Variants in ZNF423 observed in about 807,000 individuals in gnomAD.
The protein encoded by ZNF423 is Ebf-associated zinc finger protein.
ZNF423 carries 12 observed loss-of-function variants against 95.8 expected under a neutral mutation model. The observed-to-expected ratio is 0.13, with a 90% CI of 0.08 to 0.20. ZNF423 has a LOEUF of 0.20. Among genes scored for constraint, ZNF423 ranks in the 10% least tolerant of loss-of-function variants. The pLI is 1.00. For synonymous variants in ZNF423, 749 were observed against 711.9 expected (o/e 1.05, Z -0.83); for missense variants, 1,316 against 1,737.1 (o/e 0.76, Z 4.31).
At chr16:49,848,025 G>T (rs1044523560) in intron 1 of ZNF423, among the ~76,000 whole-genome samples, 6 of 152,030 alleles carry the variant, frequency 3.9e-5, no homozygotes, top group Non-Finnish European at 5.9e-5. Flanking sequence ...GACTGCTTGA[G>T]CCCAGGAGTT....
At chr16:49,673,898 C>T (rs2030929336) in intron 3 of ZNF423, among the ~76,000 whole-genome samples, 1 of 152,150 alleles carries the variant, frequency 6.6e-6, no homozygotes, top group African/African-American at 2.4e-5. Flanking sequence ...CATGGTGGGA[C>T]CTTAAAAGGG....
intron 5 of ZNF423, among the ~76,000 whole-genome samples, chr16:49,558,951 G>T (rs1969930493): frequency 6.6e-6 from 1 of 152,196 alleles, no homozygotes; most frequent in African/African-American, 2.4e-5. Context: ...CAGTAAGGGG[G>T]TCTCAGAGGC....
rs187968998 is a variant in ZNF423, at chr16:49,835,030, G to C, written c.40+20705C>G. On this transcript the variant is annotated intron_variant, in intron 1 of 7. Transcript: ENST00000563137. The stretch of plus-strand genomic sequence containing the variant: ...CGGCAGAGGGGCTGCTGAGGCCTTG[G>C]GGGGAGTCTCAGAATCACCTCCGGA... Among the ~76,000 whole-genome samples the C allele has an allele frequency of 1.9e-3, 287 of 152,176 alleles. 2 individuals are homozygous for C. The highest frequency in any genetic ancestry group is 6.3e-3 in the African/African-American group (262 of 41,516).
chr16:49,533,738 G>T (rs966048752), intron 5 of ZNF423, among the ~76,000 whole-genome samples: 1 of 152,238 alleles, frequency 6.6e-6, no homozygotes, highest in African/African-American at 2.4e-5. Flanking sequence ...TGGCTCTGCT[G>T]CAGATGCCCA....
At chr16:49,839,582 T>A (rs368693982) in intron 1 of ZNF423, among the ~76,000 whole-genome samples, 2 of 152,142 alleles carry the variant, frequency 1.3e-5, no homozygotes, top group Admixed American at 6.5e-5. Context: ...GAGCGGGACA[T>A]GACACTGAGG....
At chr16:49,819,628 T>C (rs1259465256) in intron 1 of ZNF423, among the ~76,000 whole-genome samples, 2 of 152,116 alleles carry the variant, frequency 1.3e-5, no homozygotes, top group African/African-American at 4.8e-5. Context: ...TTTGTATTTT[T>C]AGTAGAGACA....
At chr16:49,579,648 G>A (rs531226394) in intron 5 of ZNF423, among the ~76,000 whole-genome samples, 6 of 152,242 alleles carry the variant, frequency 3.9e-5, no homozygotes, top group South Asian at 4.1e-4. Context: ...TGAGGCTTGC[G>A]TAGGAGTAAC....
intron 1 of ZNF423, among the ~76,000 whole-genome samples, chr16:49,818,498 C>T (rs927596111): frequency 1.3e-5 from 2 of 151,994 alleles, no homozygotes; most frequent in East Asian, 1.9e-4. Flanking sequence ...TCACTGGAGC[C>T]CAGGAGTTCA....
At chr16:49,769,527 G>C (rs1469065742) in intron 2 of ZNF423, among the ~76,000 whole-genome samples, 1 of 151,976 alleles carries the variant, frequency 6.6e-6, no homozygotes, top group African/African-American at 2.4e-5. Context: ...CACACAACTA[G>C]AGGGACCTCT....
At position 49,490,384 on chromosome 16, in the gene ZNF423, T is replaced by G. The variant is rs1368653778; in HGVS notation, c.*891A>C. On this transcript the variant is annotated 3_prime_UTR_variant, in exon 8 of 8. Coordinates refer to ENST00000563137, the MANE Select transcript of ZNF423 (RefSeq NM_001379286.1). The stretch of plus-strand genomic sequence containing the variant: ...TGGGAAGATCAGGGTATTCCATCAT[T>G]AAGGGGTCTTCTGCTTTGACTCCTG... 1 of 152,218 alleles carries G rather than the reference T, an allele frequency of 6.6e-6. No homozygotes were observed. The highest frequency in any genetic ancestry group is 2.4e-5 in the African/African-American group (1 of 41,444). 9.4% of individuals were successfully genotyped at this position (152,218 alleles called of 1,614,324 possible). A position where few individuals can be genotyped will look rare whatever the true frequency, so the allele number is the denominator to read the frequency against.
intron 2 of ZNF423, among the ~76,000 whole-genome samples, chr16:49,758,180 C>T (rs1331795081): frequency 3.3e-5 from 5 of 152,286 alleles, no homozygotes; most frequent in Admixed American, 6.5e-5. Context: ...GCTCTGTCAC[C>T]GAGGCTGGAG....
chr16:49,852,834 GGACAAACACAC>G (rs1433220983), intron 1 of ZNF423, among the ~76,000 whole-genome samples: 12 of 151,288 alleles, frequency 7.9e-5, no homozygotes, highest in Admixed American at 1.3e-4. Context: ...TTCCAAAGAA[GGACAAACACAC>G]TGCGGGGACA....
intron 5 of ZNF423, among the ~76,000 whole-genome samples, chr16:49,589,397 T>C (rs959184352): frequency 4.6e-5 from 7 of 152,360 alleles, no homozygotes; most frequent in Admixed American, 3.9e-4. Context: ...GCTCAAGACC[T>C]GATCTGGGTA....
intron 2 of ZNF423, among the ~76,000 whole-genome samples, chr16:49,739,695 G>GTTTTTTTTTTTTTT (rs1567321248): frequency 7.5e-6 from 1 of 132,734 alleles, no homozygotes. Context: ...GTTTTTGTTT[G>GTTTTTTTTTTTTTT]GTTTTTTTTT....
At chr16:49,514,208 A>ACACG (rs1417562054) in intron 7 of ZNF423, among the ~76,000 whole-genome samples, 5 of 54,256 alleles carry the variant, frequency 9.2e-5, no homozygotes, top group African/African-American at 2.0e-4. Flanking sequence ...ACACACACAC[A>ACACG]CACATGCACA....
intron 5 of ZNF423, among the ~76,000 whole-genome samples, chr16:49,622,468 C>A (rs1204628594): frequency 6.6e-6 from 1 of 152,126 alleles, no homozygotes; most frequent in Non-Finnish European, 1.5e-5. Context: ...TCATCACCCT[C>A]GCAGCCTGGC....
At chr16:49,834,973 T>C (rs1360956473) in intron 1 of ZNF423, among the ~76,000 whole-genome samples, 1 of 151,722 alleles carries the variant, frequency 6.6e-6, no homozygotes, top group African/African-American at 2.4e-5. Flanking sequence ...CAAAACCATG[T>C]GTGCAGTGCG....
intron 2 of ZNF423, among the ~76,000 whole-genome samples, chr16:49,733,345 A>T (rs1311393635): frequency 2.0e-5 from 3 of 152,238 alleles, no homozygotes; most frequent in Non-Finnish European, 4.4e-5. Flanking sequence ...ACACAATTTA[A>T]TAGACATATT....
At chr16:49,849,800 G>A (rs1168340778) in intron 1 of ZNF423, among the ~76,000 whole-genome samples, 1 of 152,220 alleles carries the variant, frequency 6.6e-6, no homozygotes, top group Non-Finnish European at 1.5e-5. Flanking sequence ...TGGTAACTGA[G>A]CTCCGACATT....
Sources: gnomAD v4.1 joint callset for allele counts (sites outside exome capture counted in the v4.1 genomes callset) on GRCh38, gnomAD v4.1.1 for gene constraint, MANE v1.5 for transcripts, NCBI Gene and HGNC (gene_info 2026-07-23, HGNC 2026-07-21) for gene names.